Variants in PGCKA1 observed in about 807,000 individuals in gnomAD.
PGCKA1 encodes the protein PDCD10 and GCKIII kinases-associated protein 1.
At chr4:37,457,090 T>C in the PGCKA1 span, among the ~76,000 whole-genome samples, 3 of 152,204 alleles carry the variant, frequency 2.0e-5, no homozygotes, top group Non-Finnish European at 4.4e-5. Context: ...CAGAAAAAGG[T>C]TTCTGATAAA....
the PGCKA1 span, among the ~76,000 whole-genome samples, chr4:37,454,827 T>TA: frequency 1.3e-5 from 2 of 152,180 alleles, no homozygotes. Context: ...CAATTGACCT[T>TA]AAAAACAAAA....
At chr4:37,550,102 ACACT>A in the PGCKA1 span, among the ~76,000 whole-genome samples, 1 of 152,148 alleles carries the variant, frequency 6.6e-6, no homozygotes, top group African/African-American at 2.4e-5. Context: ...TTGTATAATA[ACACT>A]CAGTACCAAG....
At chr4:37,593,203 A>G in the PGCKA1 span, among the ~76,000 whole-genome samples, 2 of 152,224 alleles carry the variant, frequency 1.3e-5, no homozygotes, top group Non-Finnish European at 2.9e-5. Flanking sequence ...TCCTAAGTGT[A>G]TCAGTTGAGA....
chr4:37,555,421 C>T, the PGCKA1 span, among the ~76,000 whole-genome samples: 1 of 152,184 alleles, frequency 6.6e-6, no homozygotes, highest in South Asian at 2.1e-4. Flanking sequence ...GGAAACAAGT[C>T]CTGGCTCCTC....
chr4:37,581,216 G>T, the PGCKA1 span, among the ~76,000 whole-genome samples: 1 of 152,112 alleles, frequency 6.6e-6, no homozygotes. This position sits in a 1 kb window ranked among gnomAD's most constrained non-coding sequence, Gnocchi z 4.4. Context: ...CCAAGAGCTC[G>T]CTTGGTGCTC....
At chr4:37,592,743 G>C in the PGCKA1 span, among the ~76,000 whole-genome samples, 1 of 151,808 alleles carries the variant, frequency 6.6e-6, no homozygotes, top group African/African-American at 2.4e-5. Context: ...TGTAAAGTGA[G>C]AAGAATAATT....
At chr4:37,474,662 G>A in the PGCKA1 span, among the ~76,000 whole-genome samples, 2,239 of 152,230 alleles carry the variant, frequency 0.015, 53 homozygotes, top group African/African-American at 0.051. Flanking sequence ...CTATGTACTA[G>A]GTACTTTAGG....
chr4:37,545,857 C>A, the PGCKA1 span, among the ~76,000 whole-genome samples: 2 of 152,216 alleles, frequency 1.3e-5, no homozygotes, highest in African/African-American at 4.8e-5. Flanking sequence ...TCTAATAATT[C>A]CTTCTTTTAT....
chr4:37,486,917 G>T, the PGCKA1 span, among the ~76,000 whole-genome samples: 7 of 152,152 alleles, frequency 4.6e-5, no homozygotes, highest in African/African-American at 1.7e-4. Flanking sequence ...CTGCCTGGAA[G>T]TTCTGAAAAC....
the PGCKA1 span, among the ~76,000 whole-genome samples, chr4:37,489,189 T>A: frequency 6.6e-6 from 1 of 152,230 alleles, no homozygotes; most frequent in East Asian, 1.9e-4. Flanking sequence ...TAATATGATG[T>A]CTGTAGTTAA....
At chr4:37,497,711 C>T in the PGCKA1 span, among the ~76,000 whole-genome samples, 15,287 of 152,024 alleles carry the variant, frequency 0.1, 965 homozygotes, top group Non-Finnish European at 0.14. Flanking sequence ...GTCCTTAGCC[C>T]ACTTTTTGAT....
the PGCKA1 span, among the ~76,000 whole-genome samples, chr4:37,584,813 C>T: frequency 6.6e-6 from 1 of 151,846 alleles, no homozygotes; most frequent in South Asian, 2.1e-4. Context: ...CCCTCCTTCG[C>T]CTTTCCTCCC....
At chr4:37,458,360 A>G in the PGCKA1 span, among the ~76,000 whole-genome samples, 3 of 152,088 alleles carry the variant, frequency 2.0e-5, no homozygotes, top group Non-Finnish European at 2.9e-5. Context: ...TATATTCAGT[A>G]TCAGTTATCT....
the PGCKA1 span, among the ~76,000 whole-genome samples, chr4:37,554,151 C>T: frequency 4.6e-5 from 7 of 151,962 alleles, no homozygotes; most frequent in East Asian, 3.9e-4. Flanking sequence ...CCCCTGCACA[C>T]GCTGCCTTGC....
At chr4:37,583,627 C>T in the PGCKA1 span, among the ~76,000 whole-genome samples, 392 of 152,014 alleles carry the variant, frequency 2.6e-3, 2 homozygotes, top group South Asian at 8.1e-3. Flanking sequence ...TTAGTGGAGA[C>T]GGGGTTTCAC....
the PGCKA1 span, among the ~76,000 whole-genome samples, chr4:37,456,767 A>T: frequency 2.6e-5 from 4 of 152,220 alleles, no homozygotes; most frequent in Admixed American, 2.0e-4. Context: ...AGCACAGCAG[A>T]TCTCTATTTT....
At chr4:37,524,625 A>T in the PGCKA1 span, among the ~76,000 whole-genome samples, 1 of 152,208 alleles carries the variant, frequency 6.6e-6, no homozygotes, top group Non-Finnish European at 1.5e-5. Flanking sequence ...GGGATTATAC[A>T]GGGATCTGAT....
the PGCKA1 span, chr4:37,590,726 T>A: frequency 1.9e-6 from 3 of 1,613,998 alleles, no homozygotes; most frequent in Non-Finnish European, 2.5e-6. Context: ...CAGCCCCCAG[T>A]GGGGGAGCAT....
chr4:37,509,229 G>C, the PGCKA1 span, among the ~76,000 whole-genome samples: 7 of 105,520 alleles, frequency 6.6e-5, no homozygotes, highest in East Asian at 2.0e-3. Context: ...AGGCAGAGGG[G>C]CTCCTCACTT....
Sources: gnomAD v4.1 joint callset for allele counts (sites outside exome capture counted in the v4.1 genomes callset) on GRCh38, gnomAD v4.1.1 for gene constraint, Gnocchi (gnomAD v3.1) non-coding constraint, MANE v1.5 for transcripts, NCBI Gene and HGNC (gene_info 2026-07-23, HGNC 2026-07-21) for gene names.